STK40: variants seen among roughly 807,000 people sequenced by gnomAD.
STK40 encodes the protein serine/threonine kinase 40.
In STK40, 13 loss-of-function variants were observed where a neutral mutation model predicts 47.9. The ratio of observed to expected loss-of-function variants is 0.27; its 90% CI spans 0.18 to 0.43. The LOEUF is 0.43. Among genes scored for constraint, STK40 ranks in the 20% least tolerant of loss-of-function variants. The probability of loss-of-function intolerance (pLI) is 1.00; values close to 1 mark genes in which losing one functional copy is unlikely to be tolerated. For missense variants in STK40, 460 were observed against 595.1 expected (o/e 0.77, Z 2.36); for synonymous variants, 225 against 243.2 (o/e 0.93, Z 0.69).
chr1:36,345,993 T>TATATATATA (rs1255116115), intron 7 of STK40, among the ~76,000 whole-genome samples: 7 of 8,546 alleles, frequency 8.2e-4, no homozygotes, highest in Non-Finnish European at 1.9e-3. Flanking sequence ...ATATATATAT[T>TATATATATA]TTTTTTTTTT....
At chr1:36,378,970 C>T (rs1409307748) in intron 1 of STK40, among the ~76,000 whole-genome samples, 1 of 152,160 alleles carries the variant, frequency 6.6e-6, no homozygotes, top group Non-Finnish European at 1.5e-5. Context: ...CTACACCAGG[C>T]CCAAGGTCCC....
At chr1:36,356,647 A>C (rs182343413) in intron 4 of STK40, among the ~76,000 whole-genome samples, 6 of 151,816 alleles carry the variant, frequency 4.0e-5, no homozygotes, top group East Asian at 1.9e-4. Flanking sequence ...GTATGGTCTC[A>C]ATCTCCTGAC....
At chr1:36,365,250 A>T (rs1646891815) in intron 1 of STK40, among the ~76,000 whole-genome samples, 1 of 152,156 alleles carries the variant, frequency 6.6e-6, no homozygotes, top group African/African-American at 2.4e-5. Flanking sequence ...TCGGCCTCCC[A>T]AAGTGTTGGG....
In STK40 at chr1:36,343,443, G is replaced by A. The variant is rs762233951; in HGVS notation, c.1010C>T (p.Ser337Phe). ...CAAAGGCCCACTCAGAGATGACAGG[G>A]ACTGCCTGCAGGGAGGCAGACAGGT... ...ALSAIIASWQ[S>F]LSSLSGPLQV... Residue 337 changes from serine to phenylalanine, a missense_variant, in exon 10 of 11, where the codon TCC becomes TTC. Around this residue, in one of 3 missense-constraint regions of STK40, gnomAD observed 181 missense variants for 218.9 expected, o/e 0.83. Transcript: ENST00000373132. The A allele has an allele frequency of 6.2e-7, 1 of 1,613,034 alleles. No individual in the cohort carries two copies. Among genetic ancestry groups the A allele is most frequent in the South Asian group, 1.1e-5 (1 of 90,758 alleles).
intron 4 of STK40, among the ~76,000 whole-genome samples, chr1:36,356,573 C>T (rs1646807278): frequency 6.6e-6 from 1 of 151,894 alleles, no homozygotes; most frequent in East Asian, 1.9e-4. Flanking sequence ...ATACAGGTGC[C>T]CACCACCATG....
chr1:36,356,426 T>C lies in STK40; in HGVS notation c.343-993A>G, dbSNP rs1244491557. On this transcript the variant is annotated intron_variant, in intron 4 of 10. Coordinates refer to ENST00000373132, the MANE Select transcript of STK40 (RefSeq NM_001282547.2). ...CCACATTTCTTCTTTTTCTTTTTTT[T>C]TTTTTTTTTTTTTTTGTGAGACGGA... is the stretch of plus-strand genomic sequence containing the variant. Among the ~76,000 whole-genome samples the C allele has an allele frequency of 3.1e-4, 44 of 142,030 alleles. No homozygotes were observed. The East Asian group carries it at 4.9e-3, about 16-fold the overall frequency. 93.2% of individuals were successfully genotyped at this position (142,030 alleles called of 152,430 possible).
intron 6 of STK40, among the ~76,000 whole-genome samples, chr1:36,350,097 G>C (rs1646737646): frequency 6.6e-6 from 1 of 152,218 alleles, no homozygotes. Flanking sequence ...CAAAACAAAG[G>C]CCAGCCCGTC....
chr1:36,366,136 C>CACCAT (rs1480407503), intron 1 of STK40: 1 of 152,196 alleles, frequency 6.6e-6, no homozygotes, highest in African/African-American at 2.4e-5. Context: ...CCCTGGAGAC[C>CACCAT]ACCATGGAGG....
chr1:36,375,506 C>CAA (rs112337610), intron 1 of STK40, among the ~76,000 whole-genome samples: 117 of 133,804 alleles, frequency 8.7e-4, no homozygotes, highest in Non-Finnish European at 1.5e-3. Context: ...GACTCTGTCT[C>CAA]AAAAAAAAAA....
At position 36,341,383 on chromosome 1, in the gene STK40, G is replaced by A. The variant is rs1570429380; in HGVS notation, c.*372C>T. 1 of 216,026 alleles carries A rather than the reference G, an allele frequency of 4.6e-6. No individual in the cohort carries two copies. The highest frequency in any genetic ancestry group is 1.3e-4 in the East Asian group (1 of 7,810). The allele number at this position is 216,026 out of a possible 1,614,324, so 13.4% of individuals were successfully genotyped here. A position where few individuals can be genotyped will look rare whatever the true frequency, so the allele number is the denominator to read the frequency against. ...TTTCAGCTTATTTGGACTGTGGGGA[G>A]CAGCGCCCCAGGTCAGTTGGTGGCC... On this transcript the variant is annotated 3_prime_UTR_variant, in exon 11 of 11. Coordinates refer to ENST00000373132, the MANE Select transcript of STK40 (RefSeq NM_001282547.2).
chr1:36,345,989 A>ATTTTTTTTTTTTTTTTT (rs1330462605), intron 7 of STK40, among the ~76,000 whole-genome samples: 3 of 19,582 alleles, frequency 1.5e-4, no homozygotes, highest in Non-Finnish European at 2.9e-4. Context: ...ATATATATAT[A>ATTTTTTTTTTTTTTTTT]TATTTTTTTT....
At chr1:36,357,765 C>T (rs576337123) in intron 4 of STK40, among the ~76,000 whole-genome samples, 98 of 152,162 alleles carry the variant, frequency 6.4e-4, no homozygotes, top group African/African-American at 2.2e-3. Context: ...TACAGGTGTG[C>T]GCCGCCATGC....
chr1:36,344,084 G>A (rs903083548), intron 8 of STK40, 36 bp downstream of exon 8: 4 of 1,601,256 alleles, frequency 2.5e-6, no homozygotes, highest in Non-Finnish European at 2.6e-6. Flanking sequence ...CCATCAGGCT[G>A]GCTGCCCCCC....
intron 7 of STK40, among the ~76,000 whole-genome samples, chr1:36,348,259 T>C (rs1194933211): frequency 1.3e-5 from 2 of 152,266 alleles, no homozygotes; most frequent in African/African-American, 4.8e-5. Flanking sequence ...ATCTGGCCCC[T>C]GCGCACCTCT....
In STK40 at chr1:36,354,567, C is replaced by T. The variant is rs113174693; in HGVS notation, c.571-151G>A. 1.2e-3 allele frequency: 952 copies of T among 777,440 alleles called. 12 individuals are homozygous for T. The highest frequency in any genetic ancestry group is 9.5e-3 in the East Asian group (372 of 39,234). The allele number at this position is 777,440 out of a possible 1,614,324, so 48.2% of individuals were successfully genotyped here. A position where few individuals can be genotyped will look rare whatever the true frequency, so the allele number is the denominator to read the frequency against. On this transcript the variant is annotated intron_variant, in intron 5 of 10. Coordinates refer to ENST00000373132, the MANE Select transcript of STK40 (RefSeq NM_001282547.2). ...GGCTCCAAGCACAGGCAGATCAGGA[C>T]AGTTCTAAGTTCGCGTGACCTGCGC...
rs1043231515 is a variant in STK40, at chr1:36,340,430, C to G, written c.*1325G>C. ...GTCACCTCCCCACTGGGGAGCAGGG[C>G]CAGGCAGGAGGGGCCTCAGGGCCCA... On this transcript the variant is annotated 3_prime_UTR_variant, in exon 11 of 11. Transcript: ENST00000373132. The G allele has an allele frequency of 6.5e-6, 1 of 152,682 alleles. No homozygotes were observed. Among genetic ancestry groups the G allele is most frequent in the African/African-American group, 2.4e-5 (1 of 41,442 alleles). The allele number at this position is 152,682 out of a possible 1,614,324, so 9.5% of individuals were successfully genotyped here.
intron 7 of STK40, 139 bp from the exon 8 acceptor site, chr1:36,344,403 G>T: frequency 9.1e-7 from 1 of 1,093,580 alleles, no homozygotes; most frequent in Non-Finnish European, 1.3e-6. Context: ...TCCTGCCCGT[G>T]CTCCCCGCTC....
At chr1:36,359,171 C>T (rs1240668952) in intron 2 of STK40, among the ~76,000 whole-genome samples, 1 of 152,178 alleles carries the variant, frequency 6.6e-6, no homozygotes, top group African/African-American at 2.4e-5. Context: ...CTTTGGGAGG[C>T]TGAGGTGGGA....
intron 1 of STK40, among the ~76,000 whole-genome samples, chr1:36,374,436 T>A (rs573349577): frequency 6.6e-6 from 1 of 152,152 alleles, no homozygotes; most frequent in Non-Finnish European, 1.5e-5. Context: ...CCGGTCCCCA[T>A]AGCCCTGAAC....
Sources: allele counts gnomAD v4.1 joint callset (sites outside exome capture counted in the v4.1 genomes callset), GRCh38; gene constraint gnomAD v4.1.1; regional missense constraint gnomAD v4.1.1; transcripts MANE v1.5; gene names NCBI Gene and HGNC (gene_info 2026-07-23, HGNC 2026-07-21).